The following CES5A variants were observed in gnomAD, a reference collection of about 807,000 sequenced individuals.
CES5A encodes carboxylesterase 5A, also known as carboxylesterase 5.
CES5A carries 67 observed loss-of-function variants against 62.9 expected under a neutral mutation model. The observed-to-expected ratio is 1.07, with a 90% CI of 0.88 to 1.31. The LOEUF (loss-of-function observed/expected upper bound fraction) is 1.31, where lower values mean the gene tolerates loss of function less well. Ranked by LOEUF, CES5A falls within the 50% of genes most tolerant of loss-of-function variation. CES5A has a pLI of 0.00. For missense variants in CES5A, 748 were observed against 708.5 expected, an observed-to-expected ratio of 1.06 and a Z score of -0.63; for synonymous variants, 296 against 280.8, an observed-to-expected ratio of 1.05 and a Z score of -0.54.
intron 1 of CES5A, among the ~76,000 whole-genome samples, chr16:55,908,595 C>T (rs147500955): frequency 0.02 from 3,025 of 152,214 alleles, 101 homozygotes; most frequent in African/African-American, 0.068. Flanking sequence ...CCTGACCTCA[C>T]GTGATCCGCC....
chr16:55,859,412 G>GTGATCACTGTGTGCTTGGCT, intron 8 of CES5A, 135 bp downstream of exon 8: 1 of 781,574 alleles, frequency 1.3e-6, no homozygotes, highest in Non-Finnish European at 2.1e-6. Context: ...GAGAGTAAAG[G>GTGATCACTGTGTGCTTGGCT]TGATCACTGT....
Position 55,854,544 on chromosome 16 carries a change from C to CTTTTTTTTTTTTTTTTTTTTT in CES5A, c.1126-1517_1126-1516insAAAAAAAAAAAAAAAAAAAAA, listed in dbSNP as rs56017491. 2.0e-4 allele frequency among the ~76,000 whole-genome samples: 13 copies of CTTTTTTTTTTTTTTTTTTTTT among 64,424 alleles called. 1 individual carries two copies. Among genetic ancestry groups the CTTTTTTTTTTTTTTTTTTTTT allele is most frequent in the South Asian group, 8.6e-4 (1 of 1,164 alleles). The allele number at this position is 64,424 out of a possible 152,430, so 42.3% of individuals were successfully genotyped here. On this transcript the variant is annotated intron_variant, in intron 9 of 12. Coordinates refer to ENST00000290567, the MANE Select transcript of CES5A (RefSeq NM_001143685.2). ...CCTGTAGTGTTTCTTTTTTTTTTTT[C>CTTTTTTTTTTTTTTTTTTTTT]TTTTTTTTTTTTTGAGACAGAGTCT...
At chr16:55,861,734 T>C (rs2033355794) in intron 6 of CES5A, among the ~76,000 whole-genome samples, 1 of 152,172 alleles carries the variant, frequency 6.6e-6, no homozygotes, top group Non-Finnish European at 1.5e-5. Context: ...CTCCTTGTCA[T>C]CTTTAGTAAA....
intron 1 of CES5A, among the ~76,000 whole-genome samples, chr16:55,889,316 C>A (rs1043726414): frequency 2.6e-5 from 4 of 152,138 alleles, no homozygotes; most frequent in Non-Finnish European, 4.4e-5. Context: ...GCAAATCCCA[C>A]AGGTTGGGGG....
chr16:55,851,758 G>T (rs2033137247), intron 10 of CES5A, among the ~76,000 whole-genome samples: 1 of 152,120 alleles, frequency 6.6e-6, no homozygotes, highest in African/African-American at 2.4e-5. Flanking sequence ...ATTGTTCCTT[G>T]CACAATAGCT....
At chr16:55,912,795 A>G (rs1415967559) in intron 1 of CES5A, among the ~76,000 whole-genome samples, 2 of 152,172 alleles carry the variant, frequency 1.3e-5, no homozygotes, top group Admixed American at 1.3e-4. Context: ...AAGAGACACA[A>G]TCCCATTTCA....
upstream of CES5A, among the ~76,000 whole-genome samples, chr16:55,926,370 G>A (rs192907961): frequency 7.2e-5 from 11 of 152,268 alleles, no homozygotes; most frequent in South Asian, 4.2e-4. Flanking sequence ...AAGATAACAA[G>A]AATATAAATT....
upstream of CES5A, among the ~76,000 whole-genome samples, chr16:55,930,110 A>G (rs2034295096): frequency 2.6e-5 from 4 of 152,134 alleles, no homozygotes; most frequent in African/African-American, 7.2e-5. Context: ...AGCCATAAAG[A>G]TTGTTAGAAC....
chr16:55,955,285 T>C (rs1218278847), intron 1 of CES5A, among the ~76,000 whole-genome samples: 6 of 152,044 alleles, frequency 3.9e-5, no homozygotes, highest in African/African-American at 1.4e-4. Flanking sequence ...TCCTGTTGAG[T>C]CAAAAAAAAA....
In CES5A at chr16:55,867,886, C is replaced by T. The variant is rs72808099; in HGVS notation, c.551+1725G>A. Among the ~76,000 whole-genome samples the T allele has an allele frequency of 2.2e-3, 331 of 152,296 alleles. 2 individuals carry two copies. Among genetic ancestry groups the T allele is most frequent in the Non-Finnish European group, 3.7e-3 (254 of 68,026 alleles). On this transcript the variant is annotated intron_variant, in intron 4 of 12. Transcript: ENST00000290567. ...CATATTCACGTTATATACATGTTAG[C>T]TATTGCTTTTGTGGTTGAATGACCC...
At chr16:55,892,171 A>T (rs531046992) in intron 1 of CES5A, among the ~76,000 whole-genome samples, 1 of 152,346 alleles carries the variant, frequency 6.6e-6, no homozygotes, top group Admixed American at 6.5e-5. Context: ...TTTCCATTCT[A>T]TTGATCCCAG....
intron 1 of CES5A, among the ~76,000 whole-genome samples, chr16:55,891,470 G>C (rs917769256): frequency 3.3e-5 from 5 of 152,228 alleles, no homozygotes; most frequent in Non-Finnish European, 5.9e-5. Flanking sequence ...GGAGACAAGA[G>C]ATGTCAATTA....
chr16:55,939,687 G>A (rs903770448), intron 2 of CES5A, among the ~76,000 whole-genome samples: 3 of 151,978 alleles, frequency 2.0e-5, no homozygotes, highest in African/African-American at 7.2e-5. Flanking sequence ...TGACATTTAT[G>A]GAATACCCTC....
In CES5A at chr16:55,869,658, C is replaced by A. The variant is rs1252099761; in HGVS notation, c.504G>T (p.Val168=). The A allele has an allele frequency of 6.2e-7, 1 of 1,613,734 alleles. No homozygotes were observed. The highest frequency in any genetic ancestry group is 2.2e-5 in the East Asian group (1 of 44,840). ...GCCGGTACTGGACGACCACAACCAGCACGTCCTCATAGGCAGCCAGGGCGG... is the reference window on the plus strand; with the variant it reads ...GCCGGTACTGGACGACCACAACCAGAACGTCCTCATAGGCAGCCAGGGCGG... ...DGSALAAYED[V]LVVVVQYRLG... The change falls in exon 4 of 13, where the codon GTG becomes GTT. Residue 168 remains valine (V), a synonymous_variant. Transcript: ENST00000290567.
exon 1 of CES5A, chr16:55,955,968 T>C: frequency 7.2e-7 from 1 of 1,393,144 alleles, no homozygotes; most frequent in Non-Finnish European, 9.8e-7. Context: ...GCACATCATG[T>C]ACATGGTACA....
chr16:55,897,231 CCCTGCTGT>C (rs1242004782), intron 1 of CES5A, among the ~76,000 whole-genome samples: 1 of 152,148 alleles, frequency 6.6e-6, no homozygotes, highest in Admixed American at 6.6e-5. Context: ...GAGAACCATT[CCCTGCTGT>C]CCTATGTAGG....
At chr16:55,894,389 T>C (rs1305844208) in intron 1 of CES5A, among the ~76,000 whole-genome samples, 1 of 149,946 alleles carries the variant, frequency 6.7e-6, no homozygotes, top group Admixed American at 6.7e-5. Context: ...GTGCCTGTAG[T>C]CCCAGCTACT....
At chr16:55,949,905 G>T in intron 1 of CES5A, 1 of 1,308,116 alleles carries the variant, frequency 7.6e-7, no homozygotes, top group Non-Finnish European at 1.0e-6. Flanking sequence ...CTAAACTCCT[G>T]GAAAAAAAGA....
chr16:55,933,574 G>A (rs1224411402), intron 2 of CES5A, among the ~76,000 whole-genome samples: 3 of 151,988 alleles, frequency 2.0e-5, no homozygotes, highest in African/African-American at 7.3e-5. Context: ...CAGTTCAAAA[G>A]CCTTAGAGTC....
Sources: allele counts gnomAD v4.1 joint callset (sites outside exome capture counted in the v4.1 genomes callset), GRCh38; gene constraint gnomAD v4.1.1; transcripts MANE v1.5; gene names NCBI Gene and HGNC (gene_info 2026-07-23, HGNC 2026-07-21).